The following DTNA variants were observed in gnomAD, a reference collection of about 807,000 sequenced individuals.
DTNA encodes dystrobrevin alpha.
In DTNA, 43 loss-of-function variants were observed where a neutral mutation model predicts 100.7. The observed-to-expected ratio is 0.43, with a 90% CI of 0.33 to 0.55. DTNA has a LOEUF of 0.55. Among genes scored for constraint, DTNA ranks in the 20% least tolerant of loss-of-function variants. DTNA has a pLI of 0.04. For synonymous variants in DTNA, 349 were observed against 347.9 expected (o/e 1.00, Z -0.04); for missense variants, 798 against 953.9 (o/e 0.84, Z 2.15).
intron 1 of DTNA, among the ~76,000 whole-genome samples, chr18:34,572,700 G>A (rs989840544): frequency 6.6e-6 from 1 of 152,018 alleles, no homozygotes; most frequent in East Asian, 1.9e-4. Context: ...AGGCTCACCA[G>A]TTCTACTATT....
At chr18:34,592,873 C>T (rs2049898548) in intron 1 of DTNA, among the ~76,000 whole-genome samples, 1 of 152,076 alleles carries the variant, frequency 6.6e-6, no homozygotes, top group Non-Finnish European at 1.5e-5. Context: ...ATTTTTAATG[C>T]CCTCCTCAAA....
At chr18:34,878,050 G>A (rs1346824559) in intron 19 of DTNA, among the ~76,000 whole-genome samples, 2 of 151,946 alleles carry the variant, frequency 1.3e-5, no homozygotes, top group Non-Finnish European at 2.9e-5. Flanking sequence ...ATAGCTCACT[G>A]GTATGTCAAA....
At chr18:34,692,900 T>C (rs2079979470) in intron 1 of DTNA, among the ~76,000 whole-genome samples, 1 of 152,192 alleles carries the variant, frequency 6.6e-6, no homozygotes, top group South Asian at 2.1e-4. Context: ...ATGAAATAAA[T>C]ATCTATGACT....
intron 2 of DTNA, among the ~76,000 whole-genome samples, chr18:34,760,223 T>C (rs1461391321): frequency 6.6e-6 from 1 of 152,138 alleles, no homozygotes; most frequent in Admixed American, 6.5e-5. Flanking sequence ...TTTTAAGATA[T>C]TAACACCATG....
In DTNA at chr18:34,677,674, C is replaced by G. The variant is rs578071344; in HGVS notation, c.-1-78302C>G. Among the ~76,000 whole-genome samples the G allele has an allele frequency of 5.3e-5, 8 of 151,906 alleles. No homozygotes were observed. The South Asian group carries it at 1.7e-3, about 31-fold the overall frequency. On this transcript the variant is annotated intron_variant, in intron 1 of 19. Coordinates refer to the DTNA transcript ENST00000283365. ...TCAGATACATAGGTCTAATCTACTC[C>G]GACTCCAATTTTTTTTTAAAAAAGC...
chr18:34,878,550 C>T (rs1193176321), intron 19 of DTNA, among the ~76,000 whole-genome samples: 3 of 152,112 alleles, frequency 2.0e-5, no homozygotes, highest in Admixed American at 6.6e-5. Flanking sequence ...AAACAGTCCT[C>T]CTGCTTCAGC....
At chr18:34,831,905 TC>T (rs1217440193) in intron 11 of DTNA, among the ~76,000 whole-genome samples, 1 of 152,248 alleles carries the variant, frequency 6.6e-6, no homozygotes, top group Non-Finnish European at 1.5e-5. Flanking sequence ...GACTTGTTGG[TC>T]AGGTGATTGA....
chr18:34,882,913 A>C (rs1375094546), intron 21 of DTNA, among the ~76,000 whole-genome samples: 4 of 152,204 alleles, frequency 2.6e-5, no homozygotes, highest in African/African-American at 9.7e-5. Context: ...TGCCCACCTC[A>C]TGCCAAGTGT....
At chr18:34,558,429 C>A (rs2046330407) in intron 1 of DTNA, among the ~76,000 whole-genome samples, 1 of 152,104 alleles carries the variant, frequency 6.6e-6, no homozygotes, top group Non-Finnish European at 1.5e-5. Flanking sequence ...TTGATTAATT[C>A]AACTATTATT....
intron 1 of DTNA, among the ~76,000 whole-genome samples, chr18:34,537,807 A>C (rs1388336090): frequency 1.3e-5 from 2 of 151,996 alleles, no homozygotes; most frequent in African/African-American, 4.8e-5. Flanking sequence ...TTTTATAGGA[A>C]GGAGGAGACA....
intron 17 of DTNA, among the ~76,000 whole-genome samples, chr18:34,870,905 C>G (rs1200444285): frequency 6.6e-6 from 1 of 152,200 alleles, no homozygotes; most frequent in East Asian, 1.9e-4. Flanking sequence ...AATCACCTCT[C>G]ATGTACCCCC....
At chr18:34,598,707 CAAAA>C (rs1428133449) in intron 1 of DTNA, among the ~76,000 whole-genome samples, 1 of 150,878 alleles carries the variant, frequency 6.6e-6, no homozygotes, top group Non-Finnish European at 1.5e-5. Flanking sequence ...ACTAAAAATA[CAAAA>C]AAAAATTAGC....
intron 1 of DTNA, among the ~76,000 whole-genome samples, chr18:34,550,127 TATCCTAGTGTAC>T (rs1237145861): frequency 2.0e-5 from 3 of 152,186 alleles, no homozygotes; most frequent in Non-Finnish European, 1.5e-5. Flanking sequence ...CTTTTTCTTT[TATCCTAGTGTAC>T]AACCTCAGTT....
At chr18:34,866,313 T>C in intron 17 of DTNA, 2 of 1,481,144 alleles carry the variant, frequency 1.4e-6, no homozygotes, top group Non-Finnish European at 1.8e-6. Flanking sequence ...TTTAGCATTT[T>C]TTATAACTAT....
intron 1 of DTNA, among the ~76,000 whole-genome samples, chr18:34,687,453 G>T (rs145578378): frequency 6.6e-6 from 1 of 152,138 alleles, no homozygotes; most frequent in African/African-American, 2.4e-5. Flanking sequence ...GTGCAGTTTT[G>T]AGTGAGTTTC....
At chr18:34,613,591 A>G (rs527571491) in intron 1 of DTNA, among the ~76,000 whole-genome samples, 2 of 152,338 alleles carry the variant, frequency 1.3e-5, no homozygotes, top group South Asian at 2.1e-4. Flanking sequence ...TTGCTGATAT[A>G]AAGAAAATTT....
At chr18:34,871,822 C>T (rs1022590631) in intron 17 of DTNA, among the ~76,000 whole-genome samples, 2 of 152,170 alleles carry the variant, frequency 1.3e-5, no homozygotes, top group Non-Finnish European at 1.5e-5. Context: ...AGAGGTGGGG[C>T]CGTGATCACC....
chr18:34,857,242 A>G (rs963548288), intron 15 of DTNA, among the ~76,000 whole-genome samples: 5 of 152,194 alleles, frequency 3.3e-5, no homozygotes, highest in African/African-American at 1.2e-4. Flanking sequence ...CACCCACGAA[A>G]TGTATAATGG....
chr18:34,746,536 A>G (rs2147920592), intron 1 of DTNA, among the ~76,000 whole-genome samples: 1 of 152,310 alleles, frequency 6.6e-6, no homozygotes, highest in South Asian at 2.1e-4. Flanking sequence ...CTGCCAAGAT[A>G]CATCGTATTG....
Sources: allele counts gnomAD v4.1 joint callset (sites outside exome capture counted in the v4.1 genomes callset), GRCh38; gene constraint gnomAD v4.1.1; transcripts MANE v1.5; gene names NCBI Gene and HGNC (gene_info 2026-07-23, HGNC 2026-07-21).